Variants in IKZF1 observed in about 807,000 individuals in gnomAD.
IKZF1 encodes DNA-binding protein Ikaros.
In IKZF1, 10 loss-of-function variants were observed where a neutral mutation model predicts 51.7. That is an observed-to-expected ratio of 0.19 (90% CI 0.12 to 0.33). IKZF1 has a LOEUF of 0.33. Ranked by LOEUF, IKZF1 falls within the 10% of genes least tolerant of loss-of-function variation. The pLI, the probability that IKZF1 is intolerant of heterozygous loss-of-function variation, is 1.00. For missense variants in IKZF1, 484 were observed against 707.5 expected (o/e 0.68, Z 3.58); for synonymous variants, 280 against 282.3 (o/e 0.99, Z 0.08).
chr7:50,344,693 A>G lies in IKZF1; in HGVS notation c.160+16936A>G, dbSNP rs375472327. 7.2e-5 allele frequency among the ~76,000 whole-genome samples: 11 copies of G among 152,338 alleles called. No homozygotes were observed. The East Asian group carries it at 1.5e-3, about 21-fold the overall frequency. On this transcript the variant is annotated intron_variant, in intron 3 of 7. Transcript: ENST00000331340. ...TCTACTTGAATTGCTTCACGATCAC[A>G]TAACACAATGCAGTGTTAAAAGTAG...
chr7:50,374,430 CT>C (rs1257279396), intron 3 of IKZF1, among the ~76,000 whole-genome samples: 3 of 152,202 alleles, frequency 2.0e-5, no homozygotes, highest in African/African-American at 4.8e-5. Context: ...GCCAGGCTGC[CT>C]GCAGTTACCT....
At chr7:50,309,654 A>T (rs1023587773) in intron 1 of IKZF1, among the ~76,000 whole-genome samples, 2 of 152,224 alleles carry the variant, frequency 1.3e-5, no homozygotes, top group Admixed American at 1.3e-4. Flanking sequence ...TTTGAAAATG[A>T]ACAATGTGGT....
chr7:50,360,111 C>T (rs895569883), intron 3 of IKZF1, among the ~76,000 whole-genome samples: 1 of 152,028 alleles, frequency 6.6e-6, no homozygotes, highest in Non-Finnish European at 1.5e-5. Flanking sequence ...TGCTGAGTCA[C>T]CTTCTGCTTG....
At chr7:50,320,768 T>C (rs1439598067) in intron 2 of IKZF1, among the ~76,000 whole-genome samples, 1 of 152,226 alleles carries the variant, frequency 6.6e-6, no homozygotes, top group Non-Finnish European at 1.5e-5. Context: ...TTTGTGATTA[T>C]CTATATAAAC....
At chr7:50,307,414 C>T (rs1271190633) in intron 1 of IKZF1, among the ~76,000 whole-genome samples, 4 of 152,150 alleles carry the variant, frequency 2.6e-5, no homozygotes, top group Non-Finnish European at 4.4e-5. Flanking sequence ...TCTCTGAAAA[C>T]GCTTGTCTTC....
chr7:50,386,984 C>T (rs1413694441), intron 5 of IKZF1, among the ~76,000 whole-genome samples: 1 of 152,194 alleles, frequency 6.6e-6, no homozygotes, highest in East Asian at 1.9e-4. Flanking sequence ...ATGTGGCCAA[C>T]ACATGGGCCT....
chr7:50,328,460 A>G (rs1795634678), intron 3 of IKZF1: 2 of 152,228 alleles, frequency 1.3e-5, no homozygotes, highest in Non-Finnish European at 2.9e-5. Flanking sequence ...TTCTGACTGA[A>G]AAACTAGTTC....
intron 3 of IKZF1, among the ~76,000 whole-genome samples, chr7:50,330,361 T>A (rs1315433391): frequency 6.6e-6 from 1 of 152,182 alleles, no homozygotes; most frequent in African/African-American, 2.4e-5. Flanking sequence ...CTGAGATGAT[T>A]TGGGAGATTG....
chr7:50,353,624 A>C (rs907065230), intron 3 of IKZF1, among the ~76,000 whole-genome samples: 22 of 152,226 alleles, frequency 1.4e-4, no homozygotes, highest in Admixed American at 3.3e-4. Context: ...CAGGTGGGTC[A>C]GCCCCCGAGG....
At chr7:50,317,324 C>T (rs1256885094) in intron 1 of IKZF1, among the ~76,000 whole-genome samples, 1 of 152,212 alleles carries the variant, frequency 6.6e-6, no homozygotes, top group African/African-American at 2.4e-5. Context: ...AGAGAACTAA[C>T]TTCTAACTTC....
chr7:50,368,270 A>G, intron 3 of IKZF1: 1 of 703,270 alleles, frequency 1.4e-6, no homozygotes, highest in Non-Finnish European at 2.6e-6. Flanking sequence ...GTGTCCTGGG[A>G]GCATGGCAGT....
intron 7 of IKZF1, 89 bp downstream of exon 7, chr7:50,391,952 GA>G (rs1284072203): frequency 9.2e-6 from 13 of 1,417,792 alleles, no homozygotes; most frequent in African/African-American, 7.2e-5. Context: ...GGAAGAAAGG[GA>G]AAAAAATCTT....
chr7:50,395,418 T>C (rs1250057520), intron 7 of IKZF1, among the ~76,000 whole-genome samples: 2 of 152,180 alleles, frequency 1.3e-5, no homozygotes, highest in Non-Finnish European at 2.9e-5. Flanking sequence ...ATTAAAAATA[T>C]GTACTATGAA....
At chr7:50,355,887 C>T (rs914237188) in intron 3 of IKZF1, among the ~76,000 whole-genome samples, 2 of 152,212 alleles carry the variant, frequency 1.3e-5, no homozygotes, top group Non-Finnish European at 2.9e-5. Context: ...CTGTCCTGCC[C>T]CTCCTGCCAC....
chr7:50,391,721 G>C lies in IKZF1; in HGVS notation c.716-8G>C. The C allele has an allele frequency of 1.9e-6, 3 of 1,613,662 alleles. No individual in the cohort carries two copies. The South Asian group carries it at 3.3e-5, about 18-fold the overall frequency. ...TTTCTAAACTGGCCTCTCTGTCTTT[G>C]ACTTTAGTCATTAAAGAAGAAACTA... On this transcript the variant is annotated splice_polypyrimidine_tract_variant and splice_region_variant and intron_variant, in intron 6 of 7. Transcript: ENST00000331340.
intron 5 of IKZF1, among the ~76,000 whole-genome samples, chr7:50,383,446 G>A (rs1416594289): frequency 1.3e-5 from 2 of 152,214 alleles, no homozygotes; most frequent in African/African-American, 4.8e-5. Flanking sequence ...AAATGGTCCT[G>A]GGTGTTTCAT....
rs1818522095 is a variant in IKZF1 at position 50,403,706 on chromosome 7, A to C, written c.*3079A>C. 1 of 229,022 alleles carries C rather than the reference A, an allele frequency of 4.4e-6. No homozygotes were observed. The highest frequency in any genetic ancestry group is 8.7e-6 in the Non-Finnish European group (1 of 115,428). The allele number at this position is 229,022 out of a possible 1,614,324, so 14.2% of individuals were successfully genotyped here. On this transcript the variant is annotated 3_prime_UTR_variant, in exon 8 of 8. Transcript: ENST00000331340. ...ATTGCTTCACATACCAGCATGTTCC[A>C]TTTCCAATTTAGAATTAGCCACATA...
At chr7:50,375,180 G>C (rs530131372) in intron 3 of IKZF1, among the ~76,000 whole-genome samples, 1 of 152,304 alleles carries the variant, frequency 6.6e-6, no homozygotes, top group African/African-American at 2.4e-5. Context: ...TCAACACTTT[G>C]GGAGGCCAAG....
At chr7:50,349,828 TTA>T (rs1376720258) in intron 3 of IKZF1, among the ~76,000 whole-genome samples, 1 of 152,228 alleles carries the variant, frequency 6.6e-6, no homozygotes, top group Non-Finnish European at 1.5e-5. Flanking sequence ...GCATTCATGC[TTA>T]TGTTTTAAAA....
Sources: gnomAD v4.1 joint callset for allele counts (sites outside exome capture counted in the v4.1 genomes callset) on GRCh38, gnomAD v4.1.1 for gene constraint, MANE v1.5 for transcripts, NCBI Gene and HGNC (gene_info 2026-07-23, HGNC 2026-07-21) for gene names.